ABTB2: variants seen among roughly 807,000 people sequenced by gnomAD.
ABTB2 encodes the protein ankyrin repeat and BTB/POZ domain-containing protein 2.
ABTB2 carries 56 observed loss-of-function variants against 104.1 expected under a neutral mutation model. That is an observed-to-expected ratio of 0.54 (90% CI 0.43 to 0.67). The LOEUF is 0.67. ABTB2 is among the 30% of genes least tolerant of loss of function. The probability of loss-of-function intolerance (pLI) is 0.00; values close to 1 mark genes in which losing one functional copy is unlikely to be tolerated. For missense variants in ABTB2, 1,279 were observed against 1,407.7 expected, an observed-to-expected ratio of 0.91 and a Z score of 1.46; for synonymous variants, 606 against 608.2, an observed-to-expected ratio of 1.00 and a Z score of 0.05.
chr11:34,288,667 G>A (rs866109419), intron 1 of ABTB2, among the ~76,000 whole-genome samples: 7 of 152,044 alleles, frequency 4.6e-5, no homozygotes, highest in South Asian at 2.1e-4. Flanking sequence ...CAGGCCCACC[G>A]GGAGATGACA....
rs112240161 is a variant in ABTB2 at position 34,251,097 on chromosome 11, A to G, written c.884-46407T>C. ...TGGTGGGCTAAGAGATAAATCTTCT[A>G]CCCTGGCTTCTTAATAGGGGCTGGC... On this transcript the variant is annotated intron_variant, in intron 1 of 16. Transcript: ENST00000435224. Among the ~76,000 whole-genome samples, 372 of 152,248 alleles carry G rather than the reference A, an allele frequency of 2.4e-3. 2 individuals carry two copies. The highest frequency in any genetic ancestry group is 8.5e-3 in the African/African-American group (351 of 41,532).
At chr11:34,231,501 C>G (rs1170728540) in intron 1 of ABTB2, among the ~76,000 whole-genome samples, 1 of 152,162 alleles carries the variant, frequency 6.6e-6, no homozygotes, top group Admixed American at 6.5e-5. Flanking sequence ...AGAAACCAGA[C>G]AAACATTATC....
At chr11:34,165,467 A>G (rs1441457729) in intron 7 of ABTB2, 111 bp from the exon 8 acceptor site, 1 of 803,040 alleles carries the variant, frequency 1.2e-6, no homozygotes, top group Non-Finnish European at 2.0e-6. Flanking sequence ...GCATGTGACC[A>G]AGACACAGTT....
chr11:34,181,763 G>A (rs953649168), intron 3 of ABTB2, among the ~76,000 whole-genome samples: 1 of 152,188 alleles, frequency 6.6e-6, no homozygotes, highest in Non-Finnish European at 1.5e-5. Flanking sequence ...CACCCGCTAA[G>A]CTGTGGCCTG....
chr11:34,202,122 T>C (rs1289595192), intron 2 of ABTB2, among the ~76,000 whole-genome samples: 1 of 152,296 alleles, frequency 6.6e-6, no homozygotes, highest in Admixed American at 6.5e-5. Flanking sequence ...TGATAAACTA[T>C]TCGTAAGTAA....
At chr11:34,283,564 A>G (rs1854472321) in intron 1 of ABTB2, among the ~76,000 whole-genome samples, 1 of 152,218 alleles carries the variant, frequency 6.6e-6, no homozygotes, top group Non-Finnish European at 1.5e-5. Context: ...TTTAGCAAGT[A>G]TCAAAGTATA....
Position 34,160,995 on chromosome 11 carries a change from G to A in ABTB2, c.2305C>T (p.Arg769Trp), listed in dbSNP as rs772458230. 1.3e-5 allele frequency: 21 copies of A among 1,613,536 alleles called. No homozygotes were observed. The highest frequency in any genetic ancestry group is 3.3e-5 in the Admixed American group (2 of 59,982). The change falls in exon 11 of 17, where the codon CGG (arginine) becomes TGG (tryptophan). Residue 769 changes from arginine (R) to tryptophan (W), a missense_variant. By Grantham distance (101) the Arg-to-Trp change is moderately radical. Coordinates refer to ENST00000435224, the MANE Select transcript of ABTB2 (RefSeq NM_145804.3). ...SRYSVVQSLL[R>W]DFSSIREEEY... ...TCCTCTCTGATGGAGCTGAAGTCCC[G>A]CAGGAGGCTCTGCACCACCGAGTAC...
At chr11:34,305,978 G>C (rs1371508122) in intron 1 of ABTB2, among the ~76,000 whole-genome samples, 1 of 152,098 alleles carries the variant, frequency 6.6e-6, no homozygotes, top group Non-Finnish European at 1.5e-5. Flanking sequence ...AATATTAAGA[G>C]TCAGCAAAAC....
chr11:34,185,360 A>C (rs534002474), intron 3 of ABTB2, among the ~76,000 whole-genome samples: 13 of 152,334 alleles, frequency 8.5e-5, no homozygotes, highest in Admixed American at 6.5e-4. Context: ...GCAAGCTCAG[A>C]GGACAGGGCC....
At position 34,357,167 on chromosome 11, in the gene ABTB2, C is replaced by A; in HGVS notation, c.417G>T (p.Val139=). The change falls in exon 1 of 17, where the codon GTG becomes GTT. Residue 139 remains valine (V), a synonymous_variant. Coordinates refer to ENST00000435224, the MANE Select transcript of ABTB2 (RefSeq NM_145804.3). ...AGLLRRALIR[V]AREAQRLSVL... ...CGCTCAGGCGCTGCGCCTCGCGGGC[C>A]ACGCGGATCAGTGCCCTGCGGAGCA... 1.3e-6 allele frequency: 2 copies of A among 1,497,096 alleles called. No homozygotes were observed. Among genetic ancestry groups the A allele is most frequent in the Non-Finnish European group, 1.8e-6 (2 of 1,132,218 alleles). 92.7% of individuals were successfully genotyped at this position (1,497,096 alleles called of 1,614,324 possible). A position where few individuals can be genotyped will look rare whatever the true frequency, so the allele number is the denominator to read the frequency against.
At chr11:34,344,227 A>G (rs1244319171) in intron 1 of ABTB2, among the ~76,000 whole-genome samples, 1 of 152,198 alleles carries the variant, frequency 6.6e-6, no homozygotes, top group Admixed American at 6.5e-5. Context: ...GACTAATTAA[A>G]CAGCCCCCAT....
chr11:34,174,207 C>G (rs542106669), intron 3 of ABTB2, among the ~76,000 whole-genome samples: 5 of 152,028 alleles, frequency 3.3e-5, no homozygotes, highest in Admixed American at 1.3e-4. Context: ...CGCCTGTAGT[C>G]CCAGCTACTC....
At chr11:34,183,409 T>C (rs1320528174) in intron 3 of ABTB2, among the ~76,000 whole-genome samples, 1 of 152,196 alleles carries the variant, frequency 6.6e-6, no homozygotes, top group African/African-American at 2.4e-5. Flanking sequence ...TGGATGACTT[T>C]TGAAAGGGAA....
chr11:34,224,059 G>T (rs1853657830), intron 1 of ABTB2, among the ~76,000 whole-genome samples: 1 of 152,142 alleles, frequency 6.6e-6, no homozygotes, highest in African/African-American at 2.4e-5. Context: ...TTGAGACAGG[G>T]TCTTGCTCTG....
chr11:34,332,811 T>G (rs1474537631), intron 1 of ABTB2, among the ~76,000 whole-genome samples: 5 of 151,396 alleles, frequency 3.3e-5, no homozygotes, highest in African/African-American at 4.9e-5. Flanking sequence ...AAGAACTGGT[T>G]TCAGTTAAAA....
chr11:34,356,566 T>C lies in ABTB2; in HGVS notation c.883+135A>G. The stretch of plus-strand genomic sequence containing the variant: ...CTGGCAAGTGCCATGTAATGAACCC[T>C]ATCCTCAGACCAAACGTTTTCTCCC... On this transcript the variant is annotated intron_variant, in intron 1 of 16. Transcript: ENST00000435224. The surrounding 1 kb of genome is among the most constrained non-coding windows in gnomAD (Gnocchi z 4.6). The C allele has an allele frequency of 8.0e-7, 1 of 1,243,152 alleles. No homozygotes were observed. Among genetic ancestry groups the C allele is most frequent in the Non-Finnish European group, 1.1e-6 (1 of 913,208 alleles). 77.0% of individuals were successfully genotyped at this position (1,243,152 alleles called of 1,614,324 possible).
At position 34,214,139 on chromosome 11, in the gene ABTB2, A is replaced by AAAACACACAC. The variant is rs112616498; in HGVS notation, c.884-9450_884-9449insGTGTGTGTTT. Among the ~76,000 whole-genome samples, 526 of 139,268 alleles carry AAAACACACAC rather than the reference A, an allele frequency of 3.8e-3. 4 individuals carry two copies. Among genetic ancestry groups the AAAACACACAC allele is most frequent in the African/African-American group, 0.015 (515 of 35,486 alleles). The allele number at this position is 139,268 out of a possible 152,430, so 91.4% of individuals were successfully genotyped here. On this transcript the variant is annotated intron_variant, in intron 1 of 16. Coordinates refer to ENST00000435224, the MANE Select transcript of ABTB2 (RefSeq NM_145804.3). ...TTTTCTATTAAGGCAGCACATTCAA[A>AAAACACACAC]ACACACACACACACACACACACACA...
chr11:34,301,286 AC>A (rs1854702786), intron 1 of ABTB2, among the ~76,000 whole-genome samples: 1 of 152,180 alleles, frequency 6.6e-6, no homozygotes, highest in Non-Finnish European at 1.5e-5. Flanking sequence ...TTTTCAAAGA[AC>A]ATCATCTTGC....
At chr11:34,284,804 T>C (rs994346940) in intron 1 of ABTB2, among the ~76,000 whole-genome samples, 3 of 152,240 alleles carry the variant, frequency 2.0e-5, no homozygotes, top group African/African-American at 7.2e-5. Context: ...CAGGAGGCCC[T>C]GAACACTGGC....
Sources: allele counts gnomAD v4.1 joint callset (sites outside exome capture counted in the v4.1 genomes callset), GRCh38; gene constraint gnomAD v4.1.1; non-coding constraint Gnocchi (gnomAD v3.1); transcripts MANE v1.5; gene names NCBI Gene and HGNC (gene_info 2026-07-23, HGNC 2026-07-21).